Variants in GPHN observed in about 807,000 individuals in gnomAD.
GPHN encodes gephyrin.
Under a neutral mutation model 95.5 loss-of-function variants are expected in GPHN, and 17 were observed. The ratio of observed to expected loss-of-function variants is 0.18; its 90% CI spans 0.12 to 0.27. The LOEUF (loss-of-function observed/expected upper bound fraction) is 0.27, where lower values mean the gene tolerates loss of function less well. Among genes scored for constraint, GPHN ranks in the 10% least tolerant of loss-of-function variants. The probability of loss-of-function intolerance (pLI) is 1.00; values close to 1 mark genes in which losing one functional copy is unlikely to be tolerated. For synonymous variants in GPHN, 320 were observed against 322.5 expected, an observed-to-expected ratio of 0.99 and a Z score of 0.08; for missense variants, 660 against 978.1, an observed-to-expected ratio of 0.67 and a Z score of 4.34.
chr14:66,906,052 G>T (rs2153551949), intron 5 of GPHN, among the ~76,000 whole-genome samples: 1 of 149,342 alleles, frequency 6.7e-6, no homozygotes, highest in South Asian at 2.1e-4. Context: ...TTATCCCCAG[G>T]TTCACCTAAG....
chr14:67,595,095 C>G, the GPHN span, among the ~76,000 whole-genome samples: 9 of 151,966 alleles, frequency 5.9e-5, no homozygotes, highest in Non-Finnish European at 1.3e-4. Context: ...CGAGATCGCG[C>G]CACTGCACTC....
chr14:67,378,124 T>TAAA, the GPHN span, among the ~76,000 whole-genome samples: 1 of 134,290 alleles, frequency 7.4e-6, no homozygotes, highest in African/African-American at 2.7e-5. Flanking sequence ...CCTTGTCTCT[T>TAAA]AAAAAAAAAA....
the GPHN span, chr14:67,321,395 A>G: frequency 5.2e-6 from 4 of 773,888 alleles, no homozygotes; most frequent in Non-Finnish European, 8.3e-6. Context: ...CTGATTTGCT[A>G]TCTGAAATCA....
chr14:67,490,299 C>T, the GPHN span, among the ~76,000 whole-genome samples: 1 of 152,168 alleles, frequency 6.6e-6, no homozygotes, highest in East Asian at 1.9e-4. Context: ...CTCCAGGAGC[C>T]ATTGCACCAC....
At chr14:67,433,222 C>T in the GPHN span, among the ~76,000 whole-genome samples, 1 of 152,098 alleles carries the variant, frequency 6.6e-6, no homozygotes, top group African/African-American at 2.4e-5. Flanking sequence ...CTGGCAGATG[C>T]CCAGAAACAG....
chr14:66,905,293 T>G (rs1328379511), intron 5 of GPHN, among the ~76,000 whole-genome samples: 1 of 152,144 alleles, frequency 6.6e-6, no homozygotes, highest in African/African-American at 2.4e-5. Flanking sequence ...TTTCAATCTG[T>G]TCATTAAATT....
chr14:66,978,213 C>T (rs954933065), intron 9 of GPHN, among the ~76,000 whole-genome samples: 2 of 152,280 alleles, frequency 1.3e-5, no homozygotes, highest in South Asian at 4.1e-4. Context: ...GCTGACTGAT[C>T]AGGGTAGTGG....
chr14:67,586,926 T>C, the GPHN span: 6 of 1,541,426 alleles, frequency 3.9e-6, no homozygotes, highest in Non-Finnish European at 8.7e-7. Flanking sequence ...ACAGTTATGA[T>C]TCCCTTTGGA....
chr14:66,738,123 T>C (rs867305173), intron 2 of GPHN, among the ~76,000 whole-genome samples: 34 of 152,338 alleles, frequency 2.2e-4, no homozygotes, highest in South Asian at 1.2e-3. Context: ...CAGCAAATTT[T>C]GAAAGGTACA....
chr14:66,959,192 GT>G (rs930911442), intron 8 of GPHN, among the ~76,000 whole-genome samples: 1 of 151,908 alleles, frequency 6.6e-6, no homozygotes, highest in African/African-American at 2.4e-5. Flanking sequence ...GCTTTATGTA[GT>G]TTTTTTAATT....
the GPHN span, among the ~76,000 whole-genome samples, chr14:67,673,352 A>AT: frequency 1.6e-4 from 25 of 152,288 alleles, 1 homozygote; most frequent in African/African-American, 5.8e-4. Context: ...TCAAAAAAAA[A>AT]AATGATAAAT....
chr14:67,722,678 C>T, the GPHN span: 1 of 1,613,976 alleles, frequency 6.2e-7, no homozygotes. Flanking sequence ...CCTCCTTCTT[C>T]TCGTTCCTGT....
At chr14:66,752,867 A>G (rs1288099616) in intron 2 of GPHN, among the ~76,000 whole-genome samples, 2 of 151,190 alleles carry the variant, frequency 1.3e-5, no homozygotes, top group Admixed American at 6.6e-5. Context: ...AAGAGCTGAG[A>G]CTAGAGACAG....
chr14:66,793,225 G>A (rs2153472749), intron 3 of GPHN, among the ~76,000 whole-genome samples: 1 of 152,338 alleles, frequency 6.6e-6, no homozygotes, highest in South Asian at 2.1e-4. Context: ...ATAGAAGACA[G>A]TATAAGTGCA....
the GPHN span, among the ~76,000 whole-genome samples, chr14:67,361,995 AGGTAAGAGTCTTTTTTT>A: frequency 6.7e-6 from 1 of 149,204 alleles, no homozygotes; most frequent in South Asian, 2.1e-4. Flanking sequence ...TTAATTACTT[AGGTAAGAGTCTTTTTTT>A]TTTTTCTTTT....
At chr14:66,837,914 A>G (rs1299682366) in intron 4 of GPHN, among the ~76,000 whole-genome samples, 1 of 152,230 alleles carries the variant, frequency 6.6e-6, no homozygotes, top group East Asian at 1.9e-4. Flanking sequence ...TATGTTAAAT[A>G]AACATACAAG....
intron 2 of GPHN, among the ~76,000 whole-genome samples, chr14:66,742,347 G>GTA (rs1044507134): frequency 2.0e-4 from 31 of 152,042 alleles, no homozygotes; most frequent in African/African-American, 3.9e-4. Context: ...GATTTTTTAT[G>GTA]TATATATATA....
the GPHN span, among the ~76,000 whole-genome samples, chr14:67,401,015 A>AATG: frequency 1.3e-5 from 2 of 151,804 alleles, no homozygotes; most frequent in East Asian, 3.9e-4. Context: ...TAATAATAAT[A>AATG]ATAGTATGGG....
intron 1 of GPHN, among the ~76,000 whole-genome samples, chr14:66,680,843 C>A (rs976419139): frequency 1.3e-5 from 2 of 151,628 alleles, no homozygotes; most frequent in African/African-American, 2.4e-5. Context: ...ACATTTAGAC[C>A]GACATGTTTA....
Sources: gnomAD v4.1 joint callset for allele counts (sites outside exome capture counted in the v4.1 genomes callset) on GRCh38, gnomAD v4.1.1 for gene constraint, MANE v1.5 for transcripts, NCBI Gene and HGNC (gene_info 2026-07-23, HGNC 2026-07-21) for gene names.